The following PTPRM variants were observed in gnomAD, a reference collection of about 807,000 sequenced individuals.
The protein encoded by PTPRM is protein tyrosine phosphatase receptor type M, also known as receptor-type tyrosine-protein phosphatase mu.
Under a neutral mutation model 186.7 loss-of-function variants are expected in PTPRM, and 47 were observed. The ratio of observed to expected loss-of-function variants is 0.25; its 90% confidence interval spans 0.20 to 0.32. PTPRM has a LOEUF of 0.32. PTPRM is among the 10% of genes least tolerant of loss of function. PTPRM has a pLI of 1.00. For synonymous variants in PTPRM, 668 were observed against 674.9 expected, an observed-to-expected ratio of 0.99 and a Z score of 0.16; for missense variants, 1,494 against 1,865.0, an observed-to-expected ratio of 0.80 and a Z score of 3.66.
chr18:7,615,910 C>A (rs565909888), intron 1 of PTPRM, among the ~76,000 whole-genome samples: 2 of 152,226 alleles, frequency 1.3e-5, no homozygotes, highest in Non-Finnish European at 2.9e-5. Flanking sequence ...GGATTAGATT[C>A]TCATTAGGAG....
intron 13 of PTPRM, among the ~76,000 whole-genome samples, chr18:8,127,666 T>C (rs992950630): frequency 6.6e-6 from 1 of 152,124 alleles, no homozygotes; most frequent in Non-Finnish European, 1.5e-5. Context: ...GAAACCAAAG[T>C]TGCAGCTTTC....
Position 7,888,338 on chromosome 18 carries a change from A to G in PTPRM, c.429A>G (p.Ala143=). The change falls in exon 3 of 33, where the codon GCA becomes GCG. Residue 143 remains alanine (A), a synonymous_variant. Transcript: ENST00000580170. ...ACCCAACACGTACATGGAACAGGGCAGAACTGGCCATTAGTACTTTCTGGC... is the reference window on the plus strand; with the variant it reads ...ACCCAACACGTACATGGAACAGGGCGGAACTGGCCATTAGTACTTTCTGGC... ...SGDPTRTWNR[A]ELAISTFWPN... The G allele has an allele frequency of 1.9e-6, 3 of 1,613,956 alleles. No individual in the cohort carries two copies. Among genetic ancestry groups the G allele is most frequent in the Non-Finnish European group, 2.5e-6 (3 of 1,179,918 alleles).
chr18:7,781,943 A>G (rs2042876189), intron 2 of PTPRM, among the ~76,000 whole-genome samples: 1 of 152,148 alleles, frequency 6.6e-6, no homozygotes, highest in Admixed American at 6.5e-5. Flanking sequence ...TATAATCACT[A>G]GTGAGCATTC....
intron 1 of PTPRM, among the ~76,000 whole-genome samples, chr18:7,672,785 C>T (rs2039247788): frequency 6.6e-6 from 1 of 152,210 alleles, no homozygotes; most frequent in East Asian, 1.9e-4. Flanking sequence ...AGGAAAAGAG[C>T]TTCTGTGTAG....
chr18:7,822,692 A>G (rs1442552933), intron 2 of PTPRM, among the ~76,000 whole-genome samples: 1 of 152,142 alleles, frequency 6.6e-6, no homozygotes, highest in Non-Finnish European at 1.5e-5. Flanking sequence ...GAATTCTCTC[A>G]AGGCCTCTGC....
At chr18:7,690,560 T>A (rs1025181417) in intron 1 of PTPRM, among the ~76,000 whole-genome samples, 4 of 152,178 alleles carry the variant, frequency 2.6e-5, no homozygotes, top group Admixed American at 6.5e-5. Flanking sequence ...ATTTGTTAGG[T>A]ATTTTTAAAG....
At chr18:7,702,380 A>G (rs1453429231) in intron 1 of PTPRM, among the ~76,000 whole-genome samples, 1 of 152,160 alleles carries the variant, frequency 6.6e-6, no homozygotes, top group East Asian at 1.9e-4. Context: ...AATGATAGCC[A>G]TTCTAACTGG....
At chr18:7,578,429 A>G (rs1036707259) in intron 1 of PTPRM, among the ~76,000 whole-genome samples, 12 of 143,370 alleles carry the variant, frequency 8.4e-5, no homozygotes, top group South Asian at 2.2e-4. Context: ...TCCACCTCCC[A>G]GGTTCATGCC....
At chr18:7,800,383 C>T (rs1404258573) in intron 2 of PTPRM, among the ~76,000 whole-genome samples, 1 of 152,144 alleles carries the variant, frequency 6.6e-6, no homozygotes, top group African/African-American at 2.4e-5. Context: ...GAACCTTGTG[C>T]ATGATACTGG....
chr18:8,030,872 T>C (rs2085920421), intron 7 of PTPRM, among the ~76,000 whole-genome samples: 1 of 152,338 alleles, frequency 6.6e-6, no homozygotes, highest in African/African-American at 2.4e-5. Context: ...AAATTCTGTG[T>C]CATAAAATCT....
chr18:8,183,740 A>G (rs2093607757), intron 14 of PTPRM, among the ~76,000 whole-genome samples: 1 of 152,234 alleles, frequency 6.6e-6, no homozygotes, highest in Non-Finnish European at 1.5e-5. Context: ...TGCCACCCTC[A>G]TGAAGCTGTC....
chr18:8,196,872 G>A (rs988770949), intron 14 of PTPRM, among the ~76,000 whole-genome samples: 3 of 152,160 alleles, frequency 2.0e-5, no homozygotes, highest in African/African-American at 7.2e-5. Context: ...TGCCTAAAGT[G>A]CGTGGTGGGA....
At chr18:8,285,037 A>G (rs1455598253) in intron 19 of PTPRM, among the ~76,000 whole-genome samples, 1 of 152,006 alleles carries the variant, frequency 6.6e-6, no homozygotes, top group Non-Finnish European at 1.5e-5. Flanking sequence ...TCCCTTGTGG[A>G]GTTTATAGTC....
chr18:7,783,859 G>T (rs1222231922), intron 2 of PTPRM, among the ~76,000 whole-genome samples: 2 of 151,728 alleles, frequency 1.3e-5, no homozygotes, highest in African/African-American at 2.4e-5. Context: ...CTTCTGCCTT[G>T]GCCTCCCAAA....
chr18:7,689,508 T>C (rs1002086767), intron 1 of PTPRM, among the ~76,000 whole-genome samples: 5 of 152,234 alleles, frequency 3.3e-5, no homozygotes, highest in Admixed American at 3.3e-4. Context: ...GCTTTTAAAA[T>C]TCCAATGACA....
intron 11 of PTPRM, among the ~76,000 whole-genome samples, chr18:8,101,797 C>G (rs1358391238): frequency 1.3e-5 from 2 of 152,176 alleles, no homozygotes; most frequent in Non-Finnish European, 2.9e-5. Context: ...GAGCTGTGCT[C>G]ATTCTCTTGT....
chr18:8,241,288 A>G (rs1479302462), intron 14 of PTPRM, among the ~76,000 whole-genome samples: 1 of 152,202 alleles, frequency 6.6e-6, no homozygotes, highest in Non-Finnish European at 1.5e-5. Flanking sequence ...CAGTGAGTCA[A>G]GATTGTGCCA....
In PTPRM at chr18:7,785,360, C is replaced by T. The variant is rs140170254; in HGVS notation, c.196+11089C>T. ...ATATGAATATGTTGGAGAATACCCT[C>T]GTTCTTAGGAGATTCATGCTGAAGT... On this transcript the variant is annotated intron_variant, in intron 2 of 32. Transcript: ENST00000580170. Among the ~76,000 whole-genome samples, 50 of 152,222 alleles carry T rather than the reference C, an allele frequency of 3.3e-4. 1 individual carries two copies. The East Asian group carries it at 8.7e-3, about 26-fold the overall frequency.
At chr18:8,356,889 A>G (rs1050091502) in intron 23 of PTPRM, among the ~76,000 whole-genome samples, 3 of 152,202 alleles carry the variant, frequency 2.0e-5, no homozygotes, top group Admixed American at 1.3e-4. Flanking sequence ...GCAACCTTGG[A>G]ATGAAGGGAA....
Sources: gnomAD v4.1 joint callset for allele counts (sites outside exome capture counted in the v4.1 genomes callset) on GRCh38, gnomAD v4.1.1 for gene constraint, MANE v1.5 for transcripts, NCBI Gene and HGNC (gene_info 2026-07-23, HGNC 2026-07-21) for gene names.